Variants in GPR19 observed in about 807,000 individuals in gnomAD.
The protein encoded by GPR19 is probable G protein-coupled receptor 19.
Under a neutral mutation model 28.5 loss-of-function variants are expected in GPR19, and 14 were observed. That is an observed-to-expected ratio of 0.49 (90% CI 0.32 to 0.77). The LOEUF (loss-of-function observed/expected upper bound fraction) is 0.77, where lower values mean the gene tolerates loss of function less well. GPR19 is among the 30% of genes least tolerant of loss of function. The probability of loss-of-function intolerance (pLI) is 0.03; values close to 1 mark genes in which losing one functional copy is unlikely to be tolerated. For synonymous variants in GPR19, 173 were observed against 184.1 expected, an observed-to-expected ratio of 0.94 and a Z score of 0.49; for missense variants, 409 against 504.1, an observed-to-expected ratio of 0.81 and a Z score of 1.81.
At chr12:12,700,057 C>T (rs929105001), upstream of GPR19, among the ~76,000 whole-genome samples, 3 of 151,682 alleles carry the variant, frequency 2.0e-5, no homozygotes, top group African/African-American at 4.8e-5. Flanking sequence ...AAGCGATCCT[C>T]CCACATCGGC....
At chr12:12,697,153 TA>T (rs386375639), upstream of GPR19, among the ~76,000 whole-genome samples, 323 of 48,808 alleles carry the variant, frequency 6.6e-3, 2 homozygotes, top group African/African-American at 0.012. Context: ...TGAAGCGAAG[TA>T]AAAAAAAAAA....
chr12:12,670,047 G>A (rs1431890154), intron 3 of GPR19, among the ~76,000 whole-genome samples: 2 of 152,102 alleles, frequency 1.3e-5, no homozygotes, highest in African/African-American at 4.8e-5. Context: ...AGACTGATAT[G>A]AACATTAGGT....
rs1177438038 is a variant in GPR19, at chr12:12,660,961, T to G, written c.*240A>C. On this transcript the variant is annotated 3_prime_UTR_variant, in exon 4 of 4. Transcript: ENST00000651487. ...AAGAAAGCATTTTCTTTTTTATGCA[T>G]GTAACTAATATATTAATAGTAAAAG... is the stretch of plus-strand genomic sequence containing the variant. The G allele has an allele frequency of 5.2e-6, 2 of 387,416 alleles. No homozygotes were observed. The highest frequency in any genetic ancestry group is 9.1e-6 in the Non-Finnish European group (2 of 218,986). 24.0% of individuals were successfully genotyped at this position (387,416 alleles called of 1,614,324 possible). A position where few individuals can be genotyped will look rare whatever the true frequency, so the allele number is the denominator to read the frequency against.
chr12:12,707,328 T>TA, the GPR19 span, among the ~76,000 whole-genome samples: 1 of 152,254 alleles, frequency 6.6e-6, no homozygotes, highest in Non-Finnish European at 1.5e-5. Flanking sequence ...TGTTAGCACT[T>TA]ACAGCAACAT....
intron 3 of GPR19, among the ~76,000 whole-genome samples, chr12:12,675,081 C>T (rs1427830724): frequency 4.6e-5 from 7 of 152,138 alleles, no homozygotes; most frequent in Admixed American, 4.6e-4. Context: ...CAACATGCCG[C>T]CTTGGGTCCC....
At chr12:12,671,584 C>T (rs985028230) in intron 3 of GPR19, among the ~76,000 whole-genome samples, 1 of 152,110 alleles carries the variant, frequency 6.6e-6, no homozygotes, top group African/African-American at 2.4e-5. Flanking sequence ...TGTTTGGAAA[C>T]TCGATATGCT....
upstream of GPR19, among the ~76,000 whole-genome samples, chr12:12,699,290 C>A (rs1056206424): frequency 6.6e-6 from 1 of 151,438 alleles, no homozygotes; most frequent in African/African-American, 2.4e-5. Flanking sequence ...TGCAGTGAGC[C>A]GAGATCGTGC....
At chr12:12,678,884 C>T (rs770699652) in intron 3 of GPR19, among the ~76,000 whole-genome samples, 2 of 152,156 alleles carry the variant, frequency 1.3e-5, no homozygotes, top group Non-Finnish European at 2.9e-5. Flanking sequence ...ACAGCCTCTG[C>T]CTCCTGGGTT....
the GPR19 span, among the ~76,000 whole-genome samples, chr12:12,706,424 T>G: frequency 6.6e-6 from 1 of 152,208 alleles, no homozygotes; most frequent in East Asian, 1.9e-4. Context: ...TGCCTAGCTC[T>G]TTTCTACATC....
At chr12:12,693,472 A>G (rs1189132571) in intron 2 of GPR19, among the ~76,000 whole-genome samples, 2 of 152,234 alleles carry the variant, frequency 1.3e-5, no homozygotes, top group Non-Finnish European at 2.9e-5. Flanking sequence ...GTAATGCAAT[A>G]AAGACATCAT....
At position 12,681,914 on chromosome 12, in the gene GPR19, G is replaced by A. The variant is rs561974526; in HGVS notation, c.-23+2437C>T. On this transcript the variant is annotated intron_variant, in intron 3 of 3. Coordinates refer to ENST00000651487, the MANE Select transcript of GPR19 (RefSeq NM_006143.3). The stretch of plus-strand genomic sequence containing the variant: ...GACAATCTTCTTCAATCATGCCATG[G>A]TTTGGGAAAGGTAGTCTGACCCTAA... 4.6e-5 allele frequency among the ~76,000 whole-genome samples: 7 copies of A among 152,264 alleles called. 1 individual carries two copies. The South Asian group carries it at 1.5e-3, about 32-fold the overall frequency.
At chr12:12,680,961 T>C (rs1247448062) in intron 3 of GPR19, among the ~76,000 whole-genome samples, 1 of 152,166 alleles carries the variant, frequency 6.6e-6, no homozygotes, top group Non-Finnish European at 1.5e-5. Flanking sequence ...ACAGCTGGGA[T>C]TACAGGCGTG....
At chr12:12,696,696 G>A (rs1211140465), upstream of GPR19, among the ~76,000 whole-genome samples, 1 of 152,258 alleles carries the variant, frequency 6.6e-6, no homozygotes, top group Non-Finnish European at 1.5e-5. Context: ...CGCCTGCGCG[G>A]CGGTTTGTTT....
chr12:12,661,783 G>A lies in GPR19; in HGVS notation c.666C>T (p.Ala222=), dbSNP rs1295325208. The part of the protein sequence containing the change: ...YFLPSSWEGT[A]YTVIHFLVGF... ...CCACCAAGAAGTGGATGACAGTGTA[G>A]GCAGTGCCTTCCCAAGAGGAGGGGA... The change falls in exon 4 of 4, where the codon GCC becomes GCT. Residue 222 remains alanine (A), a synonymous_variant. Coordinates refer to ENST00000651487, the MANE Select transcript of GPR19 (RefSeq NM_006143.3). The surrounding 1 kb of genome is among the most constrained non-coding windows in gnomAD (Gnocchi z 4.2). 6.2e-7 allele frequency: 1 copy of A among 1,614,056 alleles called. No homozygotes were observed. Among genetic ancestry groups the A allele is most frequent in the African/African-American group, 1.3e-5 (1 of 75,034 alleles).
chr12:12,673,908 G>A (rs1945893016), intron 3 of GPR19, among the ~76,000 whole-genome samples: 1 of 152,084 alleles, frequency 6.6e-6, no homozygotes, highest in Non-Finnish European at 1.5e-5. Flanking sequence ...TTTAGTTGCT[G>A]TGTAGGTGGC....
chr12:12,700,627 T>C (rs1033864609), upstream of GPR19, among the ~76,000 whole-genome samples: 6 of 152,194 alleles, frequency 3.9e-5, no homozygotes, highest in African/African-American at 1.2e-4. Flanking sequence ...TAAAAATTAC[T>C]ATGCTAATAA....
At chr12:12,698,309 C>G (rs1042153333), upstream of GPR19, among the ~76,000 whole-genome samples, 1 of 152,200 alleles carries the variant, frequency 6.6e-6, no homozygotes, top group Non-Finnish European at 1.5e-5. Context: ...AGAAAATATA[C>G]TTACCAAAAT....
intron 3 of GPR19, among the ~76,000 whole-genome samples, chr12:12,676,718 C>A (rs931105517): frequency 2.6e-5 from 4 of 152,286 alleles, no homozygotes; most frequent in Admixed American, 6.5e-5. Flanking sequence ...TTTCTAGAAC[C>A]CCCGAGTGTC....
intron 3 of GPR19, among the ~76,000 whole-genome samples, chr12:12,679,159 G>A (rs1945982856): frequency 6.6e-6 from 1 of 152,070 alleles, no homozygotes; most frequent in South Asian, 2.1e-4. Flanking sequence ...ACAGGTTCTA[G>A]ACTAGTGGTT....
Sources: gnomAD v4.1 joint callset for allele counts (sites outside exome capture counted in the v4.1 genomes callset) on GRCh38, gnomAD v4.1.1 for gene constraint, Gnocchi (gnomAD v3.1) non-coding constraint, MANE v1.5 for transcripts, NCBI Gene and HGNC (gene_info 2026-07-23, HGNC 2026-07-21) for gene names.